Variants in GLRA1 observed in about 807,000 individuals in gnomAD.
GLRA1 encodes glycine receptor subunit alpha-1.
In GLRA1, 37 loss-of-function variants were observed where a neutral mutation model predicts 48.3. That is an observed-to-expected ratio of 0.77 (90% CI 0.59 to 1.01). The LOEUF is 1.01. Among genes scored for constraint, GLRA1 ranks in the 50% least tolerant of loss-of-function variants. The pLI, the probability that GLRA1 is intolerant of heterozygous loss-of-function variation, is 0.00. For missense variants in GLRA1, 427 were observed against 571.0 expected (o/e 0.75, Z 2.57); for synonymous variants, 196 against 210.7 (o/e 0.93, Z 0.60).
chr5:151,827,493 C>T (rs1237247845), intron 8 of GLRA1, among the ~76,000 whole-genome samples: 2 of 152,132 alleles, frequency 1.3e-5, no homozygotes, highest in Non-Finnish European at 2.9e-5. Context: ...AAACTTAAAG[C>T]TACTTTGGCA....
At chr5:151,868,153 G>C (rs1392206715) in intron 3 of GLRA1, among the ~76,000 whole-genome samples, 1 of 152,174 alleles carries the variant, frequency 6.6e-6, no homozygotes, top group Non-Finnish European at 1.5e-5. Context: ...GGAGACTTCT[G>C]TCTCAACTCT....
At chr5:151,858,730 G>C (rs1753114533) in intron 4 of GLRA1, among the ~76,000 whole-genome samples, 1 of 151,766 alleles carries the variant, frequency 6.6e-6, no homozygotes. Context: ...GATCTGTACA[G>C]CCTCTCCCAC....
At chr5:151,911,728 C>T (rs1303909048) in intron 1 of GLRA1, among the ~76,000 whole-genome samples, 1 of 151,334 alleles carries the variant, frequency 6.6e-6, no homozygotes, top group Non-Finnish European at 1.5e-5. Context: ...GCCTCAGCCT[C>T]CCGAGTAGCT....
intron 4 of GLRA1, among the ~76,000 whole-genome samples, 180 bp from the exon 5 acceptor site, chr5:151,856,563 G>C (rs570644875): frequency 1.9e-3 from 285 of 152,270 alleles, no homozygotes; most frequent in Admixed American, 3.7e-3. Context: ...TTGTGGCCCA[G>C]GCTGGAGCGC....
chr5:151,888,942 C>G (rs2113410891), intron 2 of GLRA1, among the ~76,000 whole-genome samples: 1 of 152,308 alleles, frequency 6.6e-6, no homozygotes, highest in Admixed American at 6.5e-5. Context: ...GTGGAAAAAA[C>G]TTGAATGGTC....
At chr5:151,844,716 A>T (rs1470773507) in intron 7 of GLRA1, among the ~76,000 whole-genome samples, 1 of 151,930 alleles carries the variant, frequency 6.6e-6, no homozygotes, top group Non-Finnish European at 1.5e-5. Context: ...TATCAAAATT[A>T]AAAACTTTTG....
At chr5:151,848,119 C>A (rs1209880772) in intron 7 of GLRA1, among the ~76,000 whole-genome samples, 2 of 152,192 alleles carry the variant, frequency 1.3e-5, no homozygotes, top group African/African-American at 2.4e-5. Flanking sequence ...AAAGGGCCTG[C>A]TTGCAAGGTT....
chr5:151,827,541 C>T (rs981276364), intron 8 of GLRA1, among the ~76,000 whole-genome samples: 16 of 152,160 alleles, frequency 1.1e-4, no homozygotes, highest in Admixed American at 9.8e-4. Flanking sequence ...TCCCTTTATA[C>T]GCATTTTGCA....
chr5:151,832,112 A>C (rs1763442017), intron 7 of GLRA1, among the ~76,000 whole-genome samples: 1 of 152,220 alleles, frequency 6.6e-6, no homozygotes, highest in South Asian at 2.1e-4. Flanking sequence ...AAAATCAACA[A>C]AAAGGACATC....
intron 1 of GLRA1, among the ~76,000 whole-genome samples, chr5:151,896,338 G>A (rs1266503266): frequency 6.6e-6 from 1 of 152,202 alleles, no homozygotes; most frequent in East Asian, 1.9e-4. Flanking sequence ...GAAGGAATTA[G>A]AACTTACATT....
At chr5:151,833,046 A>T (rs1327212657) in intron 7 of GLRA1, among the ~76,000 whole-genome samples, 1 of 152,212 alleles carries the variant, frequency 6.6e-6, no homozygotes, top group African/African-American at 2.4e-5. Flanking sequence ...ACCCAGCCAA[A>T]CTAAGCTTCA....
intron 1 of GLRA1, among the ~76,000 whole-genome samples, chr5:151,917,984 T>G (rs1198170432): frequency 6.6e-6 from 1 of 152,182 alleles, no homozygotes; most frequent in Non-Finnish European, 1.5e-5. Context: ...GATGGTAAAC[T>G]AATTTAGAGC....
In GLRA1 at chr5:151,924,801, A is replaced by C. The variant is rs917441830; in HGVS notation, c.-252T>G. 12 of 555,698 alleles carry C rather than the reference A, an allele frequency of 2.2e-5. No individual in the cohort carries two copies. The highest frequency in any genetic ancestry group is 3.9e-5 in the Non-Finnish European group (12 of 309,332). The allele number at this position is 555,698 out of a possible 1,614,324, so 34.4% of individuals were successfully genotyped here. The stretch of plus-strand genomic sequence containing the variant: ...AGACCTGCTTTTCAGGAGCGCGAAG[A>C]GTATTGCTGTTTGTTAAACTCCAGC... On this transcript the variant is annotated 5_prime_UTR_variant, in exon 1 of 9. Coordinates refer to ENST00000274576, the MANE Select transcript of GLRA1 (RefSeq NM_000171.4).
chr5:151,878,391 G>A (rs186202164), intron 3 of GLRA1, among the ~76,000 whole-genome samples: 26 of 152,300 alleles, frequency 1.7e-4, no homozygotes, highest in African/African-American at 5.8e-4. Flanking sequence ...TGGAAAATTT[G>A]CAGCCTGACA....
At chr5:151,893,237 A>G (rs1188420265) in intron 1 of GLRA1, among the ~76,000 whole-genome samples, 1 of 152,062 alleles carries the variant, frequency 6.6e-6, no homozygotes, top group Non-Finnish European at 1.5e-5. Context: ...TTCACACCAC[A>G]GTATGAATTA....
chr5:151,859,715 T>G (rs1753144691), intron 4 of GLRA1, 70 bp downstream of exon 4: 4 of 1,154,866 alleles, frequency 3.5e-6, no homozygotes, highest in Non-Finnish European at 3.9e-6. Context: ...TCTTTTAGAG[T>G]CTATGCCCAG....
chr5:151,899,856 C>G (rs1034784254), intron 1 of GLRA1, among the ~76,000 whole-genome samples: 1 of 152,136 alleles, frequency 6.6e-6, no homozygotes, highest in Non-Finnish European at 1.5e-5. Flanking sequence ...ACCCCTCCCC[C>G]TTCCTGTCCT....
At chr5:151,903,551 G>A (rs879519789) in intron 1 of GLRA1, among the ~76,000 whole-genome samples, 5 of 152,134 alleles carry the variant, frequency 3.3e-5, no homozygotes, top group Non-Finnish European at 5.9e-5. Flanking sequence ...CAAAGTCTTG[G>A]GCAAGAAGTG....
chr5:151,850,770 T>C, intron 7 of GLRA1: 1 of 997,096 alleles, frequency 1.0e-6, no homozygotes, highest in Non-Finnish European at 1.6e-6. Context: ...AAACCGGCAA[T>C]GAGCCCTTCC....
Sources: allele counts gnomAD v4.1 joint callset (sites outside exome capture counted in the v4.1 genomes callset), GRCh38; gene constraint gnomAD v4.1.1; transcripts MANE v1.5; gene names NCBI Gene and HGNC (gene_info 2026-07-23, HGNC 2026-07-21).